MAPKAP1: variants seen among roughly 807,000 people sequenced by gnomAD.
MAPKAP1 encodes the protein MAPK associated protein 1.
Under a neutral mutation model 65.7 loss-of-function variants are expected in MAPKAP1, and 20 were observed. The ratio of observed to expected loss-of-function variants is 0.30; its 90% confidence interval spans 0.21 to 0.44. The LOEUF (loss-of-function observed/expected upper bound fraction) is 0.44. MAPKAP1 is among the 20% of genes least tolerant of loss of function. MAPKAP1 has a pLI of 1.00. For synonymous variants in MAPKAP1, 222 were observed against 244.3 expected (o/e 0.91, Z 0.85); for missense variants, 423 against 648.0 (o/e 0.65, Z 3.77).
In MAPKAP1 at chr9:125,616,098, T is replaced by C. The variant is rs187541789; in HGVS notation, c.499-30371A>G. On this transcript the variant is annotated intron_variant, in intron 4 of 11. Coordinates refer to ENST00000265960, the MANE Select transcript of MAPKAP1 (RefSeq NM_001006617.3). ...AGCACAAACATAGGGAAATTTGATA[T>C]ATGACCAAGCGAGCATGACAAACCA... 1.5e-3 allele frequency among the ~76,000 whole-genome samples: 231 copies of C among 152,094 alleles called. 2 individuals are homozygous for C. The highest frequency in any genetic ancestry group is 3.4e-3 in the Middle Eastern group (1 of 294).
rs1210439058 is a variant in MAPKAP1, at chr9:125,699,258, G to A, written c.-70+7713C>T. Among the ~76,000 whole-genome samples, 3 of 151,938 alleles carry A rather than the reference G, an allele frequency of 2.0e-5. No homozygotes were observed. In the East Asian group the frequency reaches 5.8e-4, roughly 29 times the overall value. On this transcript the variant is annotated intron_variant, in intron 1 of 11. Transcript: ENST00000265960. ...GGGTCTCCCTCTGTCATCCAGGCTG[G>A]AGTGCAGGAGCACAATCATGGCTCA... is the stretch of plus-strand genomic sequence containing the variant.
chr9:125,638,092 T>C (rs1337432955), intron 4 of MAPKAP1, among the ~76,000 whole-genome samples: 1 of 152,152 alleles, frequency 6.6e-6, no homozygotes, highest in East Asian at 1.9e-4. Flanking sequence ...ACTTAATGGT[T>C]GAACTGAACT....
chr9:125,568,334 G>A (rs1050631798), intron 5 of MAPKAP1, among the ~76,000 whole-genome samples: 3 of 152,160 alleles, frequency 2.0e-5, no homozygotes, highest in East Asian at 3.8e-4. Context: ...GTACTGGATC[G>A]TGGGATATGA....
intron 8 of MAPKAP1, among the ~76,000 whole-genome samples, chr9:125,487,476 T>C (rs73591551): frequency 0.014 from 2,126 of 152,306 alleles, 46 homozygotes; most frequent in African/African-American, 0.047. Flanking sequence ...TCATCTTTTC[T>C]GAGAAAATGC....
chr9:125,609,289 C>T (rs1175072021), intron 4 of MAPKAP1, among the ~76,000 whole-genome samples: 1 of 152,182 alleles, frequency 6.6e-6, no homozygotes. Flanking sequence ...CCCAAAGCAG[C>T]TCCCTTGAAC....
At chr9:125,649,730 G>A (rs1833837055) in intron 4 of MAPKAP1, among the ~76,000 whole-genome samples, 1 of 150,630 alleles carries the variant, frequency 6.6e-6, no homozygotes, top group Admixed American at 6.6e-5. Context: ...TCAAGGACAT[G>A]GTAACAGTCT....
Position 125,617,129 on chromosome 9 carries a change from C to T in MAPKAP1, c.499-31402G>A, listed in dbSNP as rs184179390. On this transcript the variant is annotated intron_variant, in intron 4 of 11. Coordinates refer to ENST00000265960, the MANE Select transcript of MAPKAP1 (RefSeq NM_001006617.3). ...CATAGATCAAAACTTTCATGTTATA[C>T]CCCAAAATGTATTTCTTATTACATA... is the stretch of plus-strand genomic sequence containing the variant. Among the ~76,000 whole-genome samples, 34 of 152,230 alleles carry T rather than the reference C, an allele frequency of 2.2e-4. No homozygotes were observed. In the East Asian group the frequency reaches 4.2e-3, roughly 19 times the overall value.
chr9:125,599,128 CCTA>C (rs1018727338), intron 4 of MAPKAP1, among the ~76,000 whole-genome samples: 8 of 151,284 alleles, frequency 5.3e-5, no homozygotes, highest in East Asian at 3.9e-4. Flanking sequence ...GATGTTTTTT[CCTA>C]CTTTTTATCT....
intron 5 of MAPKAP1, among the ~76,000 whole-genome samples, chr9:125,563,644 G>C (rs1830958907): frequency 6.6e-6 from 1 of 152,070 alleles, no homozygotes; most frequent in South Asian, 2.1e-4. Context: ...ACAAACATTT[G>C]TTGAATAAAT....
chr9:125,560,366 G>A (rs1160255916), intron 5 of MAPKAP1, among the ~76,000 whole-genome samples: 2 of 151,978 alleles, frequency 1.3e-5, no homozygotes, highest in African/African-American at 2.4e-5. Flanking sequence ...CAGGCAGATC[G>A]CTTGATCCCA....
intron 5 of MAPKAP1, among the ~76,000 whole-genome samples, chr9:125,570,012 A>G (rs1208597136): frequency 6.6e-6 from 1 of 152,246 alleles, no homozygotes; most frequent in Non-Finnish European, 1.5e-5. Context: ...AGTTGGCTAA[A>G]TGCTTTAAGG....
intron 5 of MAPKAP1, chr9:125,565,618 G>T: frequency 2.6e-6 from 1 of 377,888 alleles, no homozygotes. Context: ...TGATATCTCT[G>T]AAATCAGAGA....
intron 4 of MAPKAP1, among the ~76,000 whole-genome samples, chr9:125,654,338 T>G (rs377581107): frequency 6.6e-6 from 1 of 152,144 alleles, no homozygotes; most frequent in Non-Finnish European, 1.5e-5. Flanking sequence ...GCTTAAGAAT[T>G]CAGGCAGATG....
intron 9 of MAPKAP1, among the ~76,000 whole-genome samples, chr9:125,482,148 AAAG>A (rs549036267): frequency 5.1e-5 from 6 of 116,982 alleles, no homozygotes; most frequent in South Asian, 2.8e-4. Flanking sequence ...AAAAAAAAAA[AAAG>A]AAGAAGAAGA....
intron 7 of MAPKAP1, among the ~76,000 whole-genome samples, chr9:125,530,310 T>C (rs1271557390): frequency 6.6e-6 from 1 of 152,234 alleles, no homozygotes; most frequent in African/African-American, 2.4e-5. Context: ...TGGAGAGATG[T>C]AATGGGCACA....
At chr9:125,483,691 C>G (rs1854396981) in intron 9 of MAPKAP1, among the ~76,000 whole-genome samples, 1 of 152,152 alleles carries the variant, frequency 6.6e-6, no homozygotes, top group Admixed American at 6.5e-5. Context: ...GCTCCTGGCA[C>G]CACCACCTAA....
intron 4 of MAPKAP1, among the ~76,000 whole-genome samples, chr9:125,588,671 C>T (rs930828835): frequency 1.3e-5 from 2 of 152,180 alleles, no homozygotes; most frequent in Admixed American, 1.3e-4. Context: ...AATTATTCTA[C>T]AGTACTCTTG....
intron 9 of MAPKAP1, among the ~76,000 whole-genome samples, chr9:125,483,528 G>A (rs114491733): frequency 1.9e-4 from 29 of 152,324 alleles, no homozygotes; most frequent in African/African-American, 5.8e-4. Flanking sequence ...AAAAGGAGAC[G>A]CAGGAAGAGG....
At chr9:125,596,063 G>A in intron 4 of MAPKAP1, 1 of 1,218,328 alleles carries the variant, frequency 8.2e-7, no homozygotes, top group African/African-American at 1.5e-5. Context: ...AAACTGAAGT[G>A]ATTGAAATCA....
Sources: allele counts gnomAD v4.1 joint callset (sites outside exome capture counted in the v4.1 genomes callset), GRCh38; gene constraint gnomAD v4.1.1; transcripts MANE v1.5; gene names NCBI Gene and HGNC (gene_info 2026-07-23, HGNC 2026-07-21).